The following CHIA variants were observed in gnomAD, a reference collection of about 807,000 sequenced individuals.
CHIA encodes the protein acidic mammalian chitinase.
Under a neutral mutation model 53.5 loss-of-function variants are expected in CHIA, and 47 were observed. The ratio of observed to expected loss-of-function variants is 0.88; its 90% confidence interval spans 0.70 to 1.12. The LOEUF (loss-of-function observed/expected upper bound fraction) is 1.12. CHIA is among the 50% of genes most tolerant of loss of function. The probability of loss-of-function intolerance (pLI) is 0.00; values close to 1 mark genes in which losing one functional copy is unlikely to be tolerated. For missense variants in CHIA, 652 were observed against 592.2 expected (o/e 1.10, Z -1.05); for synonymous variants, 268 against 222.2 (o/e 1.21, Z -1.83).
chr1:111,317,669 A>G lies in CHIA; in HGVS notation c.481-12A>G. 1 of 1,614,140 alleles carries G rather than the reference A, an allele frequency of 6.2e-7. No individual in the cohort carries two copies. The highest frequency in any genetic ancestry group is 1.1e-5 in the South Asian group (1 of 91,084). On this transcript the variant is annotated splice_polypyrimidine_tract_variant and intron_variant, in intron 6 of 11. Coordinates refer to ENST00000369740, the MANE Select transcript of CHIA (RefSeq NM_201653.4). ...CATCATAGATGTCCTATTATGCCTT[A>G]TTATTCTGTAGGAAATGCGTGAAGC...
At chr1:111,308,122 A>C (rs1274221923) in intron 1 of CHIA, among the ~76,000 whole-genome samples, 2 of 152,262 alleles carry the variant, frequency 1.3e-5, no homozygotes, top group African/African-American at 4.8e-5. Flanking sequence ...CCAAGTGCTC[A>C]GATGGGATGC....
Position 111,319,329 on chromosome 1 carries a change from T to C in CHIA, c.1038T>C (p.Ala346=). ...TGTTATCCTCTTTCTTTAAACAGGC[T>C]CAATGGCTTAAGCACAACAAATTTG... ...YDNIKSFDIK[A]QWLKHNKFGG... is the part of the protein sequence containing the mutation. The change falls in exon 11 of 12, where the codon GCT becomes GCC. Residue 346 remains alanine, a splice_region_variant and synonymous_variant. Coordinates refer to ENST00000369740, the MANE Select transcript of CHIA (RefSeq NM_201653.4). 6.2e-7 allele frequency: 1 copy of C among 1,614,220 alleles called. No homozygotes were observed. The highest frequency in any genetic ancestry group is 1.1e-5 in the South Asian group (1 of 91,078).
intron 9 of CHIA, 24 bp downstream of exon 9, chr1:111,318,702 G>T: frequency 6.2e-7 from 1 of 1,601,722 alleles, no homozygotes; most frequent in Non-Finnish European, 8.5e-7. Flanking sequence ...ACTGAAAAGT[G>T]CTCTGTGAAT....
chr1:111,301,998 A>T (rs900175707), intron 1 of CHIA, among the ~76,000 whole-genome samples: 2 of 152,186 alleles, frequency 1.3e-5, no homozygotes, highest in Non-Finnish European at 2.9e-5. Context: ...GCATATGTAT[A>T]GCTATGTAAC....
rs114005373 is a variant in CHIA at position 111,317,326 on chromosome 1, C to T, written c.481-355C>T. 1,023 of 196,920 alleles carry T rather than the reference C, an allele frequency of 5.2e-3. 9 individuals carry two copies. The highest frequency in any genetic ancestry group is 0.022 in the African/African-American group (950 of 43,412). The allele number at this position is 196,920 out of a possible 1,614,324, so 12.2% of individuals were successfully genotyped here. The stretch of plus-strand genomic sequence containing the variant: ...AAAGTAGTTCATCTACTTTATGAAA[C>T]AAATTTCTATACTGCTGGATGTAGG... On this transcript the variant is annotated intron_variant, in intron 6 of 11. Transcript: ENST00000369740.
intron 1 of CHIA, among the ~76,000 whole-genome samples, chr1:111,293,385 G>A (rs558029788): frequency 1.3e-5 from 2 of 152,030 alleles, no homozygotes; most frequent in Non-Finnish European, 2.9e-5. Context: ...TATCTTCTTT[G>A]AAGAAATAGA....
chr1:111,315,749 T>C (rs1382204118), intron 6 of CHIA: 1 of 470,622 alleles, frequency 2.1e-6, no homozygotes, highest in South Asian at 1.5e-5. Context: ...GAAACTAAAG[T>C]ACAGAGAGGA....
Position 111,290,886 on chromosome 1 carries a change from C to G in CHIA, c.-133C>G. The G allele has an allele frequency of 2.1e-6, 1 of 469,220 alleles. No individual in the cohort carries two copies. The highest frequency in any genetic ancestry group is 4.4e-6 in the Non-Finnish European group (1 of 226,546). 29.1% of individuals were successfully genotyped at this position (469,220 alleles called of 1,614,324 possible). A position where few individuals can be genotyped will look rare whatever the true frequency, so the allele number is the denominator to read the frequency against. ...TGAAACCTCCTCGTCTGTGCACGAA[C>G]AGGTGGCCGACTCTGGAGCCCAGGC... On this transcript the variant is annotated 5_prime_UTR_variant, in exon 1 of 12. Coordinates refer to ENST00000369740, the MANE Select transcript of CHIA (RefSeq NM_201653.4).
chr1:111,315,632 C>A, intron 6 of CHIA, 197 bp downstream of exon 6: 1 of 607,472 alleles, frequency 1.6e-6, no homozygotes, highest in Non-Finnish European at 2.9e-6. Flanking sequence ...AGCTCTGTGC[C>A]AGGCACTGCT....
intron 11 of CHIA, among the ~76,000 whole-genome samples, 162 bp downstream of exon 11, chr1:111,319,630 A>G (rs1649490063): frequency 6.6e-6 from 1 of 152,210 alleles, no homozygotes; most frequent in Admixed American, 6.5e-5. Flanking sequence ...TTGAACGGCC[A>G]TGTCAGGAAC....
At chr1:111,301,562 C>T (rs757954466) in intron 1 of CHIA, among the ~76,000 whole-genome samples, 12 of 151,862 alleles carry the variant, frequency 7.9e-5, no homozygotes, top group African/African-American at 1.9e-4. Context: ...ATTAGCCAGG[C>T]GTGGTGGCAG....
intron 1 of CHIA, among the ~76,000 whole-genome samples, chr1:111,306,100 G>C (rs1469533405): frequency 1.3e-5 from 2 of 152,128 alleles, no homozygotes; most frequent in African/African-American, 4.8e-5. Flanking sequence ...TAACTTGACA[G>C]GCAACCCATT....
At chr1:111,292,900 G>A (rs1661112145) in intron 1 of CHIA, among the ~76,000 whole-genome samples, 1 of 152,074 alleles carries the variant, frequency 6.6e-6, no homozygotes, top group African/African-American at 2.4e-5. Context: ...ATTCATCCAT[G>A]TTGTAGCAAG....
chr1:111,318,139 C>G, intron 8 of CHIA, 30 bp downstream of exon 8: 2 of 1,533,154 alleles, frequency 1.3e-6, no homozygotes, highest in South Asian at 1.2e-5. Context: ...CAAGAGCAGA[C>G]CAGAGATGAT....
intron 1 of CHIA, among the ~76,000 whole-genome samples, chr1:111,297,974 G>T (rs908278057): frequency 7.1e-6 from 1 of 141,104 alleles, no homozygotes; most frequent in Non-Finnish European, 1.5e-5. Flanking sequence ...CTTTAAACCA[G>T]CAAAAATCAA....
chr1:111,314,617 A>G, intron 5 of CHIA, 21 bp downstream of exon 5: 3 of 1,600,282 alleles, frequency 1.9e-6, no homozygotes, highest in South Asian at 1.1e-5. Context: ...TATGGAGAGC[A>G]TGTTGTTCGT....
At chr1:111,315,204 C>G in intron 5 of CHIA, 66 bp from the exon 6 acceptor site, 2 of 1,234,390 alleles carry the variant, frequency 1.6e-6, no homozygotes, top group Admixed American at 3.5e-5. Context: ...GAATTGAGAG[C>G]TTGATTTTAC....
chr1:111,319,567 C>G, intron 11 of CHIA, 99 bp downstream of exon 11: 2 of 1,131,078 alleles, frequency 1.8e-6, no homozygotes, highest in Admixed American at 2.0e-5. Context: ...CCCAGGGATC[C>G]TCTTTCCACT....
At chr1:111,319,584 C>A in intron 11 of CHIA, 116 bp downstream of exon 11, 1 of 955,262 alleles carries the variant, frequency 1.0e-6, no homozygotes, top group African/African-American at 1.6e-5. Flanking sequence ...CACTTCACCT[C>A]ACCGCTCTTG....
Sources: gnomAD v4.1 joint callset for allele counts (sites outside exome capture counted in the v4.1 genomes callset) on GRCh38, gnomAD v4.1.1 for gene constraint, MANE v1.5 for transcripts, NCBI Gene and HGNC (gene_info 2026-07-23, HGNC 2026-07-21) for gene names.